MAP4K3: variants seen among roughly 807,000 people sequenced by gnomAD.
The protein encoded by MAP4K3 is MAPK/ERK kinase kinase kinase 3.
Under a neutral mutation model 143.5 loss-of-function variants are expected in MAP4K3, and 94 were observed. The ratio of observed to expected loss-of-function variants is 0.65; its 90% confidence interval spans 0.55 to 0.78. The LOEUF is 0.78. MAP4K3 is among the 30% of genes least tolerant of loss of function. The pLI, the probability that MAP4K3 is intolerant of heterozygous loss-of-function variation, is 0.00. For missense variants in MAP4K3, 1,077 were observed against 1,068.1 expected (o/e 1.01, Z -0.12); for synonymous variants, 416 against 347.2 (o/e 1.20, Z -2.20).
chr2:39,253,968 GC>G (rs1481638945), intron 32 of MAP4K3, among the ~76,000 whole-genome samples: 1 of 152,158 alleles, frequency 6.6e-6, no homozygotes, highest in African/African-American at 2.4e-5. Context: ...GGTAAAGGGG[GC>G]AAAGAATTAT....
At chr2:39,427,909 C>G (rs747108102) in intron 1 of MAP4K3, among the ~76,000 whole-genome samples, 14 of 152,134 alleles carry the variant, frequency 9.2e-5, no homozygotes, top group Middle Eastern at 3.2e-3. Context: ...GAATAGTTGT[C>G]TTATTACTTC....
intron 16 of MAP4K3, 116 bp downstream of exon 16, chr2:39,299,627 T>C (rs1304004126): frequency 1.9e-5 from 9 of 477,416 alleles, no homozygotes; most frequent in Non-Finnish European, 1.1e-5. Context: ...AAATGCATAT[T>C]GTAAAATATA....
chr2:39,330,222 T>C (rs1221533740), intron 8 of MAP4K3, among the ~76,000 whole-genome samples: 1 of 152,128 alleles, frequency 6.6e-6, no homozygotes, highest in Non-Finnish European at 1.5e-5. Flanking sequence ...TTTTGAGGTA[T>C]ATAATTATGG....
At chr2:39,268,696 G>T (rs1292456068) in intron 26 of MAP4K3, among the ~76,000 whole-genome samples, 1 of 134,340 alleles carries the variant, frequency 7.4e-6, no homozygotes, top group Non-Finnish European at 1.5e-5. Context: ...CTGGAGTGCA[G>T]TGGCTTGACC....
intron 2 of MAP4K3, among the ~76,000 whole-genome samples, chr2:39,362,960 A>C (rs957302027): frequency 1.3e-5 from 2 of 152,262 alleles, no homozygotes; most frequent in Non-Finnish European, 2.9e-5. Flanking sequence ...AACAGTATTC[A>C]ACAAAGGTGC....
chr2:39,426,570 GA>G (rs1022856602), intron 1 of MAP4K3, among the ~76,000 whole-genome samples: 13 of 148,084 alleles, frequency 8.8e-5, no homozygotes, highest in Non-Finnish European at 1.6e-4. Context: ...AAATGGTTCA[GA>G]AAAAAAAAAT....
intron 2 of MAP4K3, among the ~76,000 whole-genome samples, chr2:39,372,419 C>T (rs1047120611): frequency 6.9e-6 from 1 of 145,006 alleles, no homozygotes; most frequent in Non-Finnish European, 1.5e-5. Context: ...ACATTCTTCA[C>T]AAAAATAGAA....
At chr2:39,432,694 C>T (rs1265170864) in intron 1 of MAP4K3, among the ~76,000 whole-genome samples, 1 of 152,154 alleles carries the variant, frequency 6.6e-6, no homozygotes, top group Non-Finnish European at 1.5e-5. Context: ...TTAAATAGAA[C>T]ACCTTGAAAG....
chr2:39,300,890 A>G (rs1245329198), intron 15 of MAP4K3, among the ~76,000 whole-genome samples: 2 of 152,214 alleles, frequency 1.3e-5, no homozygotes, highest in African/African-American at 4.8e-5. Context: ...AATCAAATCT[A>G]TCTTCTTTCC....
chr2:39,414,377 G>A lies in MAP4K3; in HGVS notation c.96+22515C>T, dbSNP rs1033781514. Among the ~76,000 whole-genome samples the A allele has an allele frequency of 7.2e-5, 11 of 152,198 alleles. No homozygotes were observed. In the South Asian group the frequency reaches 8.3e-4, roughly 11 times the overall value. ...TTAAATAGTTTTCACAAACTATTGCGGGGGAATTAAGAGGCTAGTAGCAAT... is the reference window on the plus strand; with the variant it reads ...TTAAATAGTTTTCACAAACTATTGCAGGGGAATTAAGAGGCTAGTAGCAAT... On this transcript the variant is annotated intron_variant, in intron 1 of 33. Transcript: ENST00000263881.
In MAP4K3 at chr2:39,337,516, C is replaced by T; in HGVS notation, c.366+10G>A. On this transcript the variant is annotated intron_variant, in intron 5 of 33. Coordinates refer to ENST00000263881, the MANE Select transcript of MAP4K3 (RefSeq NM_003618.4). The stretch of plus-strand genomic sequence containing the variant: ...GAAAAATGTTATTTTTGAATTAGCA[C>T]TTGATTTACCTGCAGTGTTTCTCTG... 1.9e-6 allele frequency: 3 copies of T among 1,604,358 alleles called. No homozygotes were observed. Among genetic ancestry groups the T allele is most frequent in the Non-Finnish European group, 1.7e-6 (2 of 1,172,280 alleles).
intron 15 of MAP4K3, among the ~76,000 whole-genome samples, chr2:39,300,299 G>A (rs994921492): frequency 8.5e-5 from 13 of 152,124 alleles, no homozygotes; most frequent in South Asian, 2.1e-4. Context: ...AGTAAATTAC[G>A]TATATGAACT....
chr2:39,418,818 T>A (rs1247599961), intron 1 of MAP4K3, among the ~76,000 whole-genome samples: 2 of 152,326 alleles, frequency 1.3e-5, no homozygotes, highest in East Asian at 3.9e-4. Context: ...TCAAAACGTC[T>A]GTGAAGCTGT....
intron 28 of MAP4K3, among the ~76,000 whole-genome samples, chr2:39,264,280 C>T (rs1680684765): frequency 6.6e-6 from 1 of 152,144 alleles, no homozygotes; most frequent in African/African-American, 2.4e-5. Context: ...GCTATTTTCC[C>T]CTGAGCTTTC....
chr2:39,280,322 C>T lies in MAP4K3; in HGVS notation c.1664G>A (p.Cys555Tyr). 2 of 1,604,562 alleles carry T rather than the reference C, an allele frequency of 1.2e-6. No homozygotes were observed. The highest frequency in any genetic ancestry group is 1.1e-5 in the South Asian group (1 of 89,266). ...GACFSKVFNG[C>Y]PLKIHCASSW... ...TGATGCACAGTGAATTTTCAAGGGA[C>T]ACCCATTAAAAACTTTTGAAAAACA... Residue 555 changes from cysteine (C) to tyrosine (Y), a missense_variant, in exon 23 of 34, where the codon TGT becomes TAT. Around this residue, in one of 2 missense-constraint regions of MAP4K3, gnomAD observed 864 missense variants for 801.2 expected, o/e 1.08. Transcript: ENST00000263881.
chr2:39,349,387 T>C lies in MAP4K3; in HGVS notation c.246-5935A>G, dbSNP rs1322112631. On this transcript the variant is annotated intron_variant, in intron 3 of 33. Coordinates refer to ENST00000263881, the MANE Select transcript of MAP4K3 (RefSeq NM_003618.4). ...GGTAAGGATGCTGTACTCAGGGGGA[T>C]ACAAGCTGATCTATTTCTCTATAAT... Among the ~76,000 whole-genome samples, 5 of 152,290 alleles carry C rather than the reference T, an allele frequency of 3.3e-5. No individual in the cohort carries two copies. In the East Asian group the frequency reaches 5.8e-4, roughly 18 times the overall value.
intron 2 of MAP4K3, among the ~76,000 whole-genome samples, chr2:39,356,689 T>C (rs1416621037): frequency 1.3e-5 from 2 of 152,202 alleles, no homozygotes; most frequent in South Asian, 2.1e-4. Flanking sequence ...CATAGGAATG[T>C]TGTAAGGGTT....
intron 1 of MAP4K3, among the ~76,000 whole-genome samples, chr2:39,382,024 A>T (rs931760205): frequency 6.6e-6 from 1 of 152,192 alleles, no homozygotes; most frequent in Admixed American, 6.5e-5. Context: ...GTCTAGACCG[A>T]TCTCGGCTTA....
At chr2:39,277,036 T>C (rs1681287396) in intron 24 of MAP4K3, among the ~76,000 whole-genome samples, 1 of 152,196 alleles carries the variant, frequency 6.6e-6, no homozygotes, top group Admixed American at 6.5e-5. Context: ...TTTTGAAAAA[T>C]ATCTTTTCCC....
Sources: gnomAD v4.1 joint callset for allele counts (sites outside exome capture counted in the v4.1 genomes callset) on GRCh38, gnomAD v4.1.1 for gene constraint, gnomAD v4.1.1 regional missense constraint, MANE v1.5 for transcripts, NCBI Gene and HGNC (gene_info 2026-07-23, HGNC 2026-07-21) for gene names.